The following PIK3C2G variants were observed in gnomAD, a reference collection of about 807,000 sequenced individuals.
The protein encoded by PIK3C2G is phosphatidylinositol 3-kinase C2 domain-containing subunit gamma.
A neutral mutation model predicts 181.1 loss-of-function variants in PIK3C2G; 168 were observed. That is an observed-to-expected ratio of 0.93 (90% confidence interval 0.82 to 1.05). The LOEUF is 1.05. Ranked by LOEUF, PIK3C2G falls within the 50% of genes least tolerant of loss-of-function variation. The pLI is 0.00. For synonymous variants in PIK3C2G, 573 were observed against 592.2 expected, an observed-to-expected ratio of 0.97 and a Z score of 0.47; for missense variants, 1,869 against 1,732.8, an observed-to-expected ratio of 1.08 and a Z score of -1.40.
At position 18,293,953 on chromosome 12, in the gene PIK3C2G, T is replaced by TG; in HGVS notation, c.973dup (p.Asp325GlyfsTer16). The TG allele has an allele frequency of 6.2e-7, 1 of 1,601,904 alleles. No homozygotes were observed. The highest frequency in any genetic ancestry group is 8.6e-7 in the Non-Finnish European group (1 of 1,169,080). ...CAGAAATTCTGCATTTTTGCACAAATGACCAGCTACTCCCCAAAGATCATA... is the reference window on the plus strand; with the variant it reads ...CAGAAATTCTGCATTTTTGCACAAATGGACCAGCTACTCCCCAAAGATCATA... On this transcript the variant is annotated frameshift_variant, in exon 5 of 33. Transcript: ENST00000538779. LOFTEE classifies it high-confidence loss of function.
At chr12:18,623,028 T>C (rs2136676343) in intron 31 of PIK3C2G, among the ~76,000 whole-genome samples, 1 of 152,070 alleles carries the variant, frequency 6.6e-6, no homozygotes, top group African/African-American at 2.4e-5. Context: ...TCTTTTGCTG[T>C]GCAGAAGCTT....
chr12:18,349,884 G>A (rs748051644), intron 11 of PIK3C2G, among the ~76,000 whole-genome samples: 8 of 152,112 alleles, frequency 5.3e-5, no homozygotes, highest in South Asian at 2.1e-4. Context: ...ACAGGCACTC[G>A]ATAAAGATTG....
At chr12:18,346,236 T>A (rs1939658050) in intron 10 of PIK3C2G, among the ~76,000 whole-genome samples, 1 of 152,244 alleles carries the variant, frequency 6.6e-6, no homozygotes, top group Non-Finnish European at 1.5e-5. Flanking sequence ...AAATTTATTA[T>A]GATTAATTCT....
chr12:18,471,827 T>C (rs1938490365), intron 18 of PIK3C2G, among the ~76,000 whole-genome samples: 1 of 152,184 alleles, frequency 6.6e-6, no homozygotes, highest in African/African-American at 2.4e-5. Flanking sequence ...TAGAAATTTT[T>C]ATGCTTCAAT....
At chr12:18,656,424 G>T in the PIK3C2G span, among the ~76,000 whole-genome samples, 6 of 152,092 alleles carry the variant, frequency 3.9e-5, no homozygotes, top group African/African-American at 1.4e-4. Context: ...AAATTAGCTG[G>T]GCATGGTGGC....
chr12:18,286,208 T>G (rs1949437612), intron 2 of PIK3C2G, among the ~76,000 whole-genome samples: 1 of 152,084 alleles, frequency 6.6e-6, no homozygotes, highest in Non-Finnish European at 1.5e-5. Context: ...ATGCACTCAC[T>G]GACCAAGCTA....
upstream of PIK3C2G, among the ~76,000 whole-genome samples, chr12:18,257,053 T>C (rs1349473597): frequency 6.6e-6 from 1 of 152,108 alleles, no homozygotes; most frequent in Non-Finnish European, 1.5e-5. Flanking sequence ...GACACAACTA[T>C]CAGAAAGAGG....
In PIK3C2G at chr12:18,503,285, G is replaced by T; in HGVS notation, c.3021G>T (p.Leu1007Phe). The change falls in exon 23 of 33, where the codon TTG becomes TTT. Residue 1007 changes from leucine (L) to phenylalanine (F), a missense_variant. Physicochemically the swap from Leu to Phe is conservative, Grantham distance 22. Coordinates refer to ENST00000538779, the MANE Select transcript of PIK3C2G (RefSeq NM_001288772.2). ...AATCTTTTTTTTCTCTACCAGGATT[G>T]GTGCAGATGGTACCTGATGCTGTGA... ...RCLSTGKDQGLVQMVPDAVTL... is the reference protein window; with the variant it reads ...RCLSTGKDQGFVQMVPDAVTL... 1 of 1,595,558 alleles carries T rather than the reference G, an allele frequency of 6.3e-7. No homozygotes were observed. Among genetic ancestry groups the T allele is most frequent in the Non-Finnish European group, 8.5e-7 (1 of 1,172,672 alleles).
intron 1 of PIK3C2G, among the ~76,000 whole-genome samples, chr12:18,254,929 C>G (rs4619201): frequency 0.44 from 66,416 of 151,124 alleles, 14,992 homozygotes; most frequent in East Asian, 0.75. Context: ...AAGAAAGAGG[C>G]CTGGGCTCAG....
the PIK3C2G span, among the ~76,000 whole-genome samples, chr12:18,675,357 G>T: frequency 6.6e-6 from 1 of 152,072 alleles, no homozygotes; most frequent in Non-Finnish European, 1.5e-5. Context: ...TAGGTACATT[G>T]AGACTATACC....
chr12:18,586,590 C>T (rs888272361), intron 29 of PIK3C2G, among the ~76,000 whole-genome samples: 3 of 151,834 alleles, frequency 2.0e-5, no homozygotes, highest in African/African-American at 7.3e-5. Flanking sequence ...AACCTAGTAA[C>T]CAAAAAAAGC....
At chr12:18,374,315 C>T (rs1942283190) in intron 13 of PIK3C2G, among the ~76,000 whole-genome samples, 1 of 152,034 alleles carries the variant, frequency 6.6e-6, no homozygotes, top group African/African-American at 2.4e-5. Context: ...AATTAGATTC[C>T]TTAGACAATT....
chr12:18,438,789 A>G (rs937861398), intron 18 of PIK3C2G, among the ~76,000 whole-genome samples: 2 of 151,936 alleles, frequency 1.3e-5, no homozygotes, highest in Admixed American at 6.6e-5. Context: ...GCCTCTCCTA[A>G]GCTGGGTAGC....
intron 8 of PIK3C2G, among the ~76,000 whole-genome samples, chr12:18,329,400 T>C (rs1296504619): frequency 1.3e-5 from 2 of 151,956 alleles, no homozygotes; most frequent in Non-Finnish European, 2.9e-5. Flanking sequence ...CTCCTCTATG[T>C]AAAAGGTCCT....
intron 29 of PIK3C2G, among the ~76,000 whole-genome samples, chr12:18,584,078 G>C (rs2136438400): frequency 6.6e-6 from 1 of 151,586 alleles, no homozygotes; most frequent in Admixed American, 6.6e-5. Context: ...GCCCAGGCTG[G>C]AGTTCAGTGG....
chr12:18,585,552 G>A (rs949492858), intron 29 of PIK3C2G, among the ~76,000 whole-genome samples: 1 of 151,860 alleles, frequency 6.6e-6, no homozygotes, highest in African/African-American at 2.4e-5. Flanking sequence ...CATGAAGCAA[G>A]TTCTTAGAGA....
intron 16 of PIK3C2G, among the ~76,000 whole-genome samples, chr12:18,411,585 A>G (rs1004265804): frequency 6.6e-6 from 1 of 152,154 alleles, no homozygotes; most frequent in South Asian, 2.1e-4. Context: ...TCATATTGAC[A>G]TTTTTCTTCC....
rs538489642 is a variant in PIK3C2G, at chr12:18,503,515, A to G, written c.3153+98A>G. On this transcript the variant is annotated intron_variant, in intron 23 of 32. Transcript: ENST00000538779. ...ATTTGTAGAAAAGTAAATTAAGTGCACTTTGAGTTCTAATTCAATCAGCCC... is the reference window on the plus strand; with the variant it reads ...ATTTGTAGAAAAGTAAATTAAGTGCGCTTTGAGTTCTAATTCAATCAGCCC... The G allele has an allele frequency of 6.2e-6, 5 of 811,140 alleles. No individual in the cohort carries two copies. In the South Asian group the frequency reaches 1.3e-4, roughly 21 times the overall value. The allele number at this position is 811,140 out of a possible 1,614,324, so 50.2% of individuals were successfully genotyped here.
chr12:18,694,104 C>CTA, the PIK3C2G span: 1 of 1,019,204 alleles, frequency 9.8e-7, no homozygotes, highest in Non-Finnish European at 1.5e-6. Context: ...CTCTAGTGAA[C>CTA]TACGGCTGCC....
Sources: allele counts gnomAD v4.1 joint callset (sites outside exome capture counted in the v4.1 genomes callset), GRCh38; gene constraint gnomAD v4.1.1; transcripts MANE v1.5; gene names NCBI Gene and HGNC (gene_info 2026-07-23, HGNC 2026-07-21).